Variants in LRP6 observed in about 807,000 individuals in gnomAD.
LRP6 encodes the protein LDL receptor related protein 6.
Under a neutral mutation model 184.1 loss-of-function variants are expected in LRP6, and 43 were observed. The ratio of observed to expected loss-of-function variants is 0.23; its 90% CI spans 0.18 to 0.30. The LOEUF is 0.30. Among genes scored for constraint, LRP6 ranks in the 10% least tolerant of loss-of-function variants. The pLI is 1.00. For missense variants in LRP6, 1,571 were observed against 2,005.3 expected, an observed-to-expected ratio of 0.78 and a Z score of 4.14; for synonymous variants, 719 against 684.9, an observed-to-expected ratio of 1.05 and a Z score of -0.78.
chr12:12,254,876 CCCAAA>C (rs1865422361), intron 1 of LRP6, among the ~76,000 whole-genome samples: 1 of 152,098 alleles, frequency 6.6e-6, no homozygotes, highest in Non-Finnish European at 1.5e-5. Context: ...CAGGAATTCA[CCCAAA>C]TTTATAGGTA....
chr12:12,240,070 TTTG>T (rs971997734), intron 2 of LRP6, among the ~76,000 whole-genome samples: 2 of 150,078 alleles, frequency 1.3e-5, no homozygotes, highest in African/African-American at 4.9e-5. Context: ...ACACCACGAG[TTTG>T]TTGTTTCTTA....
At chr12:12,225,801 G>A (rs1426039932) in intron 2 of LRP6, among the ~76,000 whole-genome samples, 2 of 149,082 alleles carry the variant, frequency 1.3e-5, no homozygotes, top group African/African-American at 5.0e-5. Flanking sequence ...GAACCCGGGA[G>A]GCAGAGGTTG....
intron 12 of LRP6, among the ~76,000 whole-genome samples, chr12:12,152,958 AGC>A: frequency 6.6e-6 from 1 of 152,360 alleles, no homozygotes; most frequent in South Asian, 2.1e-4. Flanking sequence ...ACCCACACTC[AGC>A]TTGGAAGATT....
Position 12,187,135 on chromosome 12 carries a change from G to A in LRP6, c.648-16C>T, listed in dbSNP as rs1863495237. The A allele has an allele frequency of 6.2e-7, 1 of 1,610,268 alleles. No homozygotes were observed. Among genetic ancestry groups the A allele is most frequent in the South Asian group, 1.1e-5 (1 of 90,724 alleles). On this transcript the variant is annotated splice_polypyrimidine_tract_variant and intron_variant, in intron 3 of 22. Coordinates refer to ENST00000261349, the MANE Select transcript of LRP6 (RefSeq NM_002336.3). ...CACTGCCTGCCTATTAACATAAAGA[G>A]AAAAATTTAAACTTATTTCTAAATT...
chr12:12,232,601 AC>A (rs1001447813), intron 2 of LRP6, among the ~76,000 whole-genome samples: 2 of 151,064 alleles, frequency 1.3e-5, no homozygotes, highest in South Asian at 2.1e-4. Context: ...AAAAAAAAAA[AC>A]AGAAGTAGAT....
chr12:12,118,212 CTT>C lies in LRP6; in HGVS notation c.*2912_*2913del, dbSNP rs927250334. 3 of 151,856 alleles carry C rather than the reference CTT, an allele frequency of 2.0e-5. No homozygotes were observed. The highest frequency in any genetic ancestry group is 2.1e-4 in the South Asian group (1 of 4,838). The allele number at this position is 151,856 out of a possible 1,614,324, so 9.4% of individuals were successfully genotyped here. ...TCAGAAAATTCTATCCACCAACTCT[CTT>C]TGTTTCCCTGTGAATGTGCTATTAT... is the stretch of plus-strand genomic sequence containing the variant. On this transcript the variant is annotated 3_prime_UTR_variant, in exon 23 of 23. Coordinates refer to ENST00000261349, the MANE Select transcript of LRP6 (RefSeq NM_002336.3).
intron 2 of LRP6, among the ~76,000 whole-genome samples, chr12:12,226,134 A>G (rs1346696564): frequency 6.6e-6 from 1 of 152,212 alleles, no homozygotes; most frequent in Non-Finnish European, 1.5e-5. Flanking sequence ...AGCACTTGTG[A>G]AGCTCACAGC....
chr12:12,164,953 AAAG>A, intron 8 of LRP6, 123 bp downstream of exon 8: 4 of 524,836 alleles, frequency 7.6e-6, no homozygotes, highest in Non-Finnish European at 9.8e-6. Flanking sequence ...AAAAAAAAAA[AAAG>A]GCGGGGGGGC....
In LRP6 at chr12:12,130,699, C is replaced by G; in HGVS notation, c.4081+84G>C. The stretch of plus-strand genomic sequence containing the variant: ...AATACTTATTACTTAGAAAGGAAAT[C>G]TCGATAAGTAAACCTCACACATAAG... On this transcript the variant is annotated intron_variant, in intron 19 of 22. Transcript: ENST00000261349. 1.6e-5 allele frequency: 13 copies of G among 791,782 alleles called. No individual in the cohort carries two copies. In the South Asian group the frequency reaches 1.9e-4, roughly 12 times the overall value. 49.0% of individuals were successfully genotyped at this position (791,782 alleles called of 1,614,324 possible). A position where few individuals can be genotyped will look rare whatever the true frequency, so the allele number is the denominator to read the frequency against.
intron 2 of LRP6, among the ~76,000 whole-genome samples, chr12:12,206,687 T>C (rs901298869): frequency 2.0e-5 from 3 of 151,970 alleles, no homozygotes; most frequent in Non-Finnish European, 4.4e-5. Context: ...GCAGGAGGAC[T>C]GTCTGAGTCC....
In LRP6 at chr12:12,126,855, GT is replaced by G; in HGVS notation, c.4147del (p.Thr1383ProfsTer20). On this transcript the variant is annotated frameshift_variant, in exon 20 of 23. Coordinates refer to ENST00000261349, the MANE Select transcript of LRP6 (RefSeq NM_002336.3). LOFTEE classifies it high-confidence loss of function. ...TVGSVIGVIV[T>X]IFVSGTVYFI... ...GTATACAGTTCCAGACACAAAAATG[GT>G]GACAATTACGCCAATAACAGAACCA... is the stretch of plus-strand genomic sequence containing the variant. 6.2e-7 allele frequency: 1 copy of G among 1,614,104 alleles called. No homozygotes were observed. The highest frequency in any genetic ancestry group is 8.5e-7 in the Non-Finnish European group (1 of 1,179,994).
chr12:12,204,304 G>C (rs1004310184), intron 2 of LRP6, among the ~76,000 whole-genome samples: 3 of 150,906 alleles, frequency 2.0e-5, no homozygotes, highest in Non-Finnish European at 3.0e-5. Context: ...AAAAAGGAGG[G>C]GGGGGTCAGG....
intron 12 of LRP6, among the ~76,000 whole-genome samples, chr12:12,152,668 C>T (rs538513915): frequency 6.6e-6 from 1 of 152,278 alleles, no homozygotes; most frequent in Middle Eastern, 3.4e-3. Flanking sequence ...GTATACATTT[C>T]ATAATTATAC....
chr12:12,184,793 C>G (rs2136999723), intron 4 of LRP6, among the ~76,000 whole-genome samples: 1 of 151,514 alleles, frequency 6.6e-6, no homozygotes, highest in Non-Finnish European at 1.5e-5. Flanking sequence ...AAGGGATAAG[C>G]AGAAAAAAGG....
chr12:12,227,420 T>C (rs1864656665), intron 2 of LRP6, among the ~76,000 whole-genome samples: 1 of 151,976 alleles, frequency 6.6e-6, no homozygotes, highest in African/African-American at 2.4e-5. Flanking sequence ...TTTTTTTTTT[T>C]TTTTGACACA....
rs1442219620 is a variant in LRP6 at position 12,119,362 on chromosome 12, A to C, written c.*1764T>G. On this transcript the variant is annotated 3_prime_UTR_variant, in exon 23 of 23. Coordinates refer to ENST00000261349, the MANE Select transcript of LRP6 (RefSeq NM_002336.3). ...AAGACAGAATTAAAAAAGAAAAAAA[A>C]AAAATTCAATAATTAACTGACCAAC... 1 of 152,216 alleles carries C rather than the reference A, an allele frequency of 6.6e-6. No homozygotes were observed. The highest frequency in any genetic ancestry group is 1.5e-5 in the Non-Finnish European group (1 of 68,048). 9.4% of individuals were successfully genotyped at this position (152,216 alleles called of 1,614,324 possible). A position where few individuals can be genotyped will look rare whatever the true frequency, so the allele number is the denominator to read the frequency against.
intron 13 of LRP6, among the ~76,000 whole-genome samples, chr12:12,150,199 G>A (rs760348719): frequency 5.9e-5 from 9 of 152,098 alleles, no homozygotes; most frequent in Non-Finnish European, 1.2e-4. Flanking sequence ...ATAGTGATGT[G>A]TAAATCCATA....
At chr12:12,179,445 T>C (rs971292491) in intron 7 of LRP6, among the ~76,000 whole-genome samples, 10 of 151,398 alleles carry the variant, frequency 6.6e-5, no homozygotes, top group African/African-American at 2.5e-4. Context: ...GGCTTTGTTT[T>C]CCTAACTTAG....
chr12:12,253,893 C>T (rs1467769656), intron 1 of LRP6, among the ~76,000 whole-genome samples: 1 of 152,050 alleles, frequency 6.6e-6, no homozygotes, highest in Non-Finnish European at 1.5e-5. Flanking sequence ...CCTCTAATCC[C>T]CACACTTTGG....
Sources: gnomAD v4.1 joint callset for allele counts (sites outside exome capture counted in the v4.1 genomes callset) on GRCh38, gnomAD v4.1.1 for gene constraint, MANE v1.5 for transcripts, NCBI Gene and HGNC (gene_info 2026-07-23, HGNC 2026-07-21) for gene names.